TAFA2: variants seen among roughly 807,000 people sequenced by gnomAD.
The protein encoded by TAFA2 is TAFA chemokine like family member 2.
Under a neutral mutation model 18.8 loss-of-function variants are expected in TAFA2, and 7 were observed. The observed-to-expected ratio is 0.37, with a 90% CI of 0.21 to 0.70. The LOEUF (loss-of-function observed/expected upper bound fraction) is 0.70, where lower values mean the gene tolerates loss of function less well. TAFA2 is among the 30% of genes least tolerant of loss of function. The pLI, the probability that TAFA2 is intolerant of heterozygous loss-of-function variation, is 0.53. For missense variants in TAFA2, 122 were observed against 158.1 expected (o/e 0.77, Z 1.23); for synonymous variants, 60 against 54.2 (o/e 1.11, Z -0.47).
intron 1 of TAFA2, among the ~76,000 whole-genome samples, chr12:62,111,500 G>A (rs1043162910): frequency 6.6e-6 from 1 of 152,128 alleles, no homozygotes; most frequent in Non-Finnish European, 1.5e-5. Flanking sequence ...ATGTCTATTA[G>A]GTCTGCTTTG....
intron 1 of TAFA2, among the ~76,000 whole-genome samples, chr12:62,018,441 T>C (rs1405726278): frequency 6.6e-6 from 1 of 152,092 alleles, no homozygotes; most frequent in African/African-American, 2.4e-5. Context: ...TCTAGAAATG[T>C]CAGTTCAACT....
At chr12:62,016,164 C>T (rs1019423844) in intron 1 of TAFA2, among the ~76,000 whole-genome samples, 11 of 152,084 alleles carry the variant, frequency 7.2e-5, no homozygotes, top group African/African-American at 2.4e-4. Flanking sequence ...ACTCTGGGTC[C>T]TCGGTTTGTT....
intron 2 of TAFA2, among the ~76,000 whole-genome samples, chr12:61,855,991 A>C (rs912622267): frequency 6.6e-6 from 1 of 152,124 alleles, no homozygotes; most frequent in African/African-American, 2.4e-5. Context: ...TCAATATTAA[A>C]AGACACAAAG....
chr12:61,956,713 C>G (rs1878708920), intron 1 of TAFA2, among the ~76,000 whole-genome samples: 1 of 151,424 alleles, frequency 6.6e-6, no homozygotes, highest in Non-Finnish European at 1.5e-5. Context: ...TCACAGGCAG[C>G]CTTCTCAATT....
At chr12:61,920,826 A>G (rs1247226194) in intron 1 of TAFA2, among the ~76,000 whole-genome samples, 1 of 152,038 alleles carries the variant, frequency 6.6e-6, no homozygotes, top group Non-Finnish European at 1.5e-5. Flanking sequence ...ATAGAATATC[A>G]TATGGTAATG....
chr12:62,236,268 T>C (rs1481525177), intron 1 of TAFA2, among the ~76,000 whole-genome samples: 1 of 132,424 alleles, frequency 7.6e-6, no homozygotes. Flanking sequence ...TTTCTTTTTT[T>C]TTTCTTTTTT....
intron 2 of TAFA2, among the ~76,000 whole-genome samples, chr12:61,863,040 G>C (rs116225677): frequency 6.6e-6 from 1 of 152,104 alleles, no homozygotes; most frequent in South Asian, 2.1e-4. Flanking sequence ...AAGTAAACAA[G>C]CAACTTTTCC....
intron 2 of TAFA2, among the ~76,000 whole-genome samples, chr12:61,779,340 A>C (rs1329114352): frequency 6.6e-6 from 1 of 151,798 alleles, no homozygotes; most frequent in African/African-American, 2.4e-5. Flanking sequence ...ACTGGTAGAA[A>C]CCCCTCAGAA....
At chr12:61,906,247 A>G (rs1257889053) in intron 1 of TAFA2, among the ~76,000 whole-genome samples, 1 of 152,196 alleles carries the variant, frequency 6.6e-6, no homozygotes, top group Non-Finnish European at 1.5e-5. Context: ...GTTGAATTGT[A>G]GTTCCCATAA....
intron 1 of TAFA2, among the ~76,000 whole-genome samples, chr12:61,901,706 C>T (rs1010246997): frequency 2.6e-5 from 4 of 152,052 alleles, no homozygotes; most frequent in African/African-American, 4.8e-5. Flanking sequence ...GAATTGAAGG[C>T]ACCACACTAA....
intron 1 of TAFA2, among the ~76,000 whole-genome samples, chr12:61,917,549 G>T (rs773349586): frequency 6.6e-6 from 1 of 151,710 alleles, no homozygotes; most frequent in African/African-American, 2.4e-5. Flanking sequence ...TTCCCCTCCC[G>T]TGCCCACCCA....
rs1869176972 is a variant in TAFA2 at position 62,101,034 on chromosome 12, C to T, written c.-2+90225G>A. On this transcript the variant is annotated intron_variant, in intron 1 of 4. Coordinates refer to ENST00000416284, the MANE Select transcript of TAFA2 (RefSeq NM_178539.5). ...CTTAAAACATACCCATACTTGCAGA[C>T]ACTTCAGATATATCTATACACAAGC... Among the ~76,000 whole-genome samples the T allele has an allele frequency of 2.0e-5, 3 of 152,224 alleles. 1 individual carries two copies. In the South Asian group the frequency reaches 6.2e-4, roughly 32 times the overall value.
intron 1 of TAFA2, among the ~76,000 whole-genome samples, chr12:62,093,997 T>G (rs1270226674): frequency 3.9e-5 from 6 of 152,048 alleles, no homozygotes; most frequent in African/African-American, 1.4e-4. Context: ...AAAATGAATG[T>G]AGCCTCCAGG....
chr12:62,232,212 C>A (rs1308736516), intron 1 of TAFA2, among the ~76,000 whole-genome samples: 3 of 152,092 alleles, frequency 2.0e-5, no homozygotes, highest in Admixed American at 2.0e-4. Context: ...CCCTCACCTA[C>A]CAAAAATTCA....
At chr12:62,178,718 T>G (rs1007276724) in intron 1 of TAFA2, among the ~76,000 whole-genome samples, 1 of 152,342 alleles carries the variant, frequency 6.6e-6, no homozygotes, top group African/African-American at 2.4e-5. Flanking sequence ...CCATATCTTT[T>G]ATAATGGGCT....
rs921076131 is a variant in TAFA2 at position 62,092,881 on chromosome 12, A to G, written c.-2+98378T>C. 7.2e-5 allele frequency among the ~76,000 whole-genome samples: 11 copies of G among 151,982 alleles called. 1 individual carries two copies. The highest frequency in any genetic ancestry group is 4.4e-5 in the Non-Finnish European group (3 of 67,938). On this transcript the variant is annotated intron_variant, in intron 1 of 4. Transcript: ENST00000416284. ...TTCAGAGATATGGGCCCTGCAAATT[A>G]TCTTCTCCCAAATCCCATATAATTT...
rs374318071 is a variant in TAFA2, at chr12:62,147,546, A to G, written c.-2+43713T>C. Among the ~76,000 whole-genome samples, 15 of 149,970 alleles carry G rather than the reference A, an allele frequency of 1.0e-4. No homozygotes were observed. The East Asian group carries it at 1.6e-3, about 16-fold the overall frequency. On this transcript the variant is annotated intron_variant, in intron 1 of 4. Coordinates refer to ENST00000416284, the MANE Select transcript of TAFA2 (RefSeq NM_178539.5). Reference sequence around the variant, plus strand: ...AGATCAAGACCATCCTGGCTAACACAGTGAACCCTTGTCTCTACTAAAAAA... The same window carrying G: ...AGATCAAGACCATCCTGGCTAACACGGTGAACCCTTGTCTCTACTAAAAAA...
At chr12:61,829,152 T>C (rs771975556) in intron 2 of TAFA2, among the ~76,000 whole-genome samples, 1 of 151,690 alleles carries the variant, frequency 6.6e-6, no homozygotes, top group African/African-American at 2.4e-5. Flanking sequence ...TCCTGAGCTG[T>C]CTATTGGACA....
At chr12:62,072,321 T>A (rs1407288533) in intron 1 of TAFA2, among the ~76,000 whole-genome samples, 2 of 151,760 alleles carry the variant, frequency 1.3e-5, no homozygotes, top group Non-Finnish European at 2.9e-5. Context: ...ATAAAAAAAT[T>A]AGCCGGGCAT....
Sources: gnomAD v4.1 joint callset for allele counts (sites outside exome capture counted in the v4.1 genomes callset) on GRCh38, gnomAD v4.1.1 for gene constraint, MANE v1.5 for transcripts, NCBI Gene and HGNC (gene_info 2026-07-23, HGNC 2026-07-21) for gene names.